Variants in MID1 observed in about 807,000 individuals in gnomAD.
The protein encoded by MID1 is midline 1.
Under a neutral mutation model 40.4 loss-of-function variants are expected in MID1, and 7 were observed. That is an observed-to-expected ratio of 0.17 (90% confidence interval 0.10 to 0.33). The LOEUF (loss-of-function observed/expected upper bound fraction) is 0.33, where lower values mean the gene tolerates loss of function less well. MID1 is among the 10% of genes least tolerant of loss of function. The pLI is 1.00. For synonymous variants in MID1, 229 were observed against 221.2 expected (o/e 1.04, Z -0.31); for missense variants, 367 against 558.5 (o/e 0.66, Z 3.46).
chrX:10,600,402 T>A (rs1935498135), intron 1 of MID1, among the ~76,000 whole-genome samples: 1 of 111,691 alleles, frequency 9.0e-6, no homozygotes, highest in East Asian at 2.8e-4. Context: ...ATAACTTTAA[T>A]TTTTCTTCTA....
intron 1 of MID1, among the ~76,000 whole-genome samples, chrX:10,785,812 T>G: frequency 8.9e-6 from 1 of 112,027 alleles, no homozygotes. Context: ...ATACAAAAAT[T>G]AATTCAAGAT....
At chrX:10,565,443 A>C (rs1217050640) in intron 2 of MID1, 1 of 329,644 alleles carries the variant, frequency 3.0e-6, no homozygotes, top group African/African-American at 2.7e-5. Context: ...GGTCCCAGTA[A>C]ACACAACCAC....
chrX:10,530,470 G>A (rs1329841297), intron 2 of MID1, among the ~76,000 whole-genome samples: 1 of 112,292 alleles, frequency 8.9e-6, no homozygotes, highest in Admixed American at 9.4e-5. Flanking sequence ...TTTGTGGAAG[G>A]CAAAGTTATA....
chrX:10,569,409 G>A (rs1016463495), intron 1 of MID1, among the ~76,000 whole-genome samples: 6 of 112,400 alleles, frequency 5.3e-5, no homozygotes, highest in Non-Finnish European at 1.9e-5. Flanking sequence ...TAGGGTTGCT[G>A]TTGTAAGAAA....
chrX:10,808,867 G>T (rs1246228998), intron 1 of MID1, among the ~76,000 whole-genome samples: 1 of 111,885 alleles, frequency 8.9e-6, no homozygotes, highest in African/African-American at 3.2e-5. Context: ...ATAGGCATGG[G>T]CAAGGACTTC....
chrX:10,821,604 T>A (rs751600745), intron 1 of MID1, among the ~76,000 whole-genome samples: 2 of 112,295 alleles, frequency 1.8e-5, no homozygotes, highest in South Asian at 7.5e-4. Context: ...CCTCCTTTCG[T>A]AAAGATACCT....
intron 1 of MID1, among the ~76,000 whole-genome samples, chrX:10,700,390 AAG>A (rs1378790114): frequency 5.5e-5 from 6 of 110,079 alleles, no homozygotes; most frequent in African/African-American, 2.0e-4. Context: ...CATCTCTACA[AAG>A]AATACAAAAA....
chrX:10,805,549 A>G (rs1265502836), intron 1 of MID1, among the ~76,000 whole-genome samples: 1 of 99,165 alleles, frequency 1.0e-5, no homozygotes, highest in Admixed American at 1.1e-4. Context: ...ATGTGTCTTT[A>G]TAGCAGCATG....
chrX:10,743,953 T>C (rs780923028), intron 1 of MID1, among the ~76,000 whole-genome samples: 49 of 111,727 alleles, frequency 4.4e-4, no homozygotes, highest in Non-Finnish European at 8.3e-4. Flanking sequence ...AATTTTCTGG[T>C]TTCCATGGCT....
At chrX:10,552,592 T>C (rs1253147602) in intron 2 of MID1, among the ~76,000 whole-genome samples, 11 of 111,195 alleles carry the variant, frequency 9.9e-5, no homozygotes, top group Non-Finnish European at 2.1e-4. Flanking sequence ...TCTTTTTTAA[T>C]TGTTTTTTTT....
intron 2 of MID1, among the ~76,000 whole-genome samples, chrX:10,557,622 G>A: frequency 8.9e-6 from 1 of 112,116 alleles, no homozygotes; most frequent in Non-Finnish European, 1.9e-5. Flanking sequence ...TGAGCTCCAA[G>A]GTTGCTTCTG....
intron 2 of MID1, among the ~76,000 whole-genome samples, chrX:10,525,412 A>G (rs759055362): frequency 2.7e-5 from 3 of 112,173 alleles, no homozygotes; most frequent in Non-Finnish European, 5.6e-5. Context: ...CAAAAACACG[A>G]TTCTCTTCTC....
At chrX:10,556,707 A>G (rs1934135874) in intron 2 of MID1, among the ~76,000 whole-genome samples, 2 of 112,251 alleles carry the variant, frequency 1.8e-5, no homozygotes, top group Admixed American at 1.9e-4. Context: ...TTGATGCGAC[A>G]TGCAAAATGT....
At chrX:10,715,133 A>G (rs2043292052) in intron 1 of MID1, among the ~76,000 whole-genome samples, 1 of 112,186 alleles carries the variant, frequency 8.9e-6, no homozygotes, top group African/African-American at 3.2e-5. Context: ...GCAGAAGACG[A>G]ATGATTTCTG....
intron 1 of MID1, among the ~76,000 whole-genome samples, chrX:10,617,182 T>C (rs1696147540): frequency 8.9e-6 from 1 of 112,185 alleles, no homozygotes; most frequent in Non-Finnish European, 1.9e-5. Context: ...TCCCCAGACT[T>C]GCCCCTAACT....
At chrX:10,565,119 A>AACTTTGGTGGT in intron 2 of MID1, 1 of 330,475 alleles carries the variant, frequency 3.0e-6, no homozygotes, top group Non-Finnish European at 5.9e-6. Flanking sequence ...TGCTATGATT[A>AACTTTGGTGGT]ACTTTGGTGG....
At chrX:10,825,466 G>A (rs1315459498) in intron 1 of MID1, among the ~76,000 whole-genome samples, 2 of 112,219 alleles carry the variant, frequency 1.8e-5, no homozygotes, top group East Asian at 5.6e-4. Context: ...ATTGATGCTA[G>A]AAAAACGGAA....
chrX:10,788,901 C>T (rs757331178), intron 1 of MID1, among the ~76,000 whole-genome samples: 9 of 112,182 alleles, frequency 8.0e-5, no homozygotes, highest in East Asian at 2.8e-4. Flanking sequence ...GAGGCCGAGG[C>T]GGGAGGATCA....
intron 1 of MID1, among the ~76,000 whole-genome samples, chrX:10,607,762 G>A (rs140050696): frequency 9.4e-4 from 106 of 112,340 alleles, no homozygotes; most frequent in African/African-American, 2.5e-3. Flanking sequence ...GTGTTGGGGC[G>A]TGCATCTGCC....
Sources: gnomAD v4.1 joint callset for allele counts (sites outside exome capture counted in the v4.1 genomes callset) on GRCh38, gnomAD v4.1.1 for gene constraint, MANE v1.5 for transcripts, NCBI Gene and HGNC (gene_info 2026-07-23, HGNC 2026-07-21) for gene names.